Variants in LDB2 observed in about 807,000 individuals in gnomAD.
LDB2 encodes LIM domain binding 2.
Under a neutral mutation model 44.3 loss-of-function variants are expected in LDB2, and 12 were observed. The ratio of observed to expected loss-of-function variants is 0.27; its 90% CI spans 0.17 to 0.44. The LOEUF (loss-of-function observed/expected upper bound fraction) is 0.44. Among genes scored for constraint, LDB2 ranks in the 20% least tolerant of loss-of-function variants. The pLI, the probability that LDB2 is intolerant of heterozygous loss-of-function variation, is 1.00. For missense variants in LDB2, 344 were observed against 473.5 expected, an observed-to-expected ratio of 0.73 and a Z score of 2.54; for synonymous variants, 164 against 174.8, an observed-to-expected ratio of 0.94 and a Z score of 0.49.
chr4:16,784,876 G>C (rs1159077998), intron 1 of LDB2, among the ~76,000 whole-genome samples: 1 of 152,014 alleles, frequency 6.6e-6, no homozygotes, highest in Non-Finnish European at 1.5e-5. Context: ...TCGTTTCCTA[G>C]CTCACTGGTG....
chr4:16,779,180 G>T (rs1483287976), intron 1 of LDB2, among the ~76,000 whole-genome samples: 2 of 151,918 alleles, frequency 1.3e-5, no homozygotes, highest in African/African-American at 4.9e-5. Flanking sequence ...CCTGGGATTT[G>T]AACTTGTGCC....
chr4:16,885,081 G>T (rs1721243901), intron 1 of LDB2, among the ~76,000 whole-genome samples: 1 of 148,162 alleles, frequency 6.7e-6, no homozygotes, highest in Non-Finnish European at 1.5e-5. Flanking sequence ...TAAAAACAGT[G>T]ATCTGAGGCG....
intron 2 of LDB2, among the ~76,000 whole-genome samples, chr4:16,746,701 C>G (rs886884947): frequency 6.6e-6 from 1 of 152,178 alleles, no homozygotes; most frequent in Non-Finnish European, 1.5e-5. Context: ...GCAGGAGAAT[C>G]ACTTGAACCC....
intron 2 of LDB2, among the ~76,000 whole-genome samples, chr4:16,757,541 C>G (rs1003371548): frequency 6.6e-6 from 1 of 152,048 alleles, no homozygotes; most frequent in African/African-American, 2.4e-5. Context: ...AATTCTAGTT[C>G]CCTGAGCAGT....
chr4:16,896,628 A>C (rs1325785545), intron 1 of LDB2, among the ~76,000 whole-genome samples: 1 of 152,162 alleles, frequency 6.6e-6, no homozygotes, highest in Non-Finnish European at 1.5e-5. Flanking sequence ...TTGCTGTTCA[A>C]GAATTGAGCC....
intron 4 of LDB2, among the ~76,000 whole-genome samples, chr4:16,587,972 C>A (rs1331810169): frequency 6.6e-6 from 1 of 152,026 alleles, no homozygotes; most frequent in Non-Finnish European, 1.5e-5. Flanking sequence ...TGTTCAGGGT[C>A]TTTAAAATTA....
intron 2 of LDB2, among the ~76,000 whole-genome samples, chr4:16,673,120 G>C (rs1366143967): frequency 6.6e-6 from 1 of 152,082 alleles, no homozygotes; most frequent in Non-Finnish European, 1.5e-5. Context: ...AATTCTGAAA[G>C]AGAGTAGTAA....
intron 1 of LDB2, among the ~76,000 whole-genome samples, chr4:16,807,403 A>G (rs1295393720): frequency 6.6e-6 from 1 of 152,224 alleles, no homozygotes; most frequent in African/African-American, 2.4e-5. Flanking sequence ...CAAGGATGGA[A>G]TACAATGAAA....
chr4:16,568,403 G>A (rs2152394072), intron 5 of LDB2, among the ~76,000 whole-genome samples: 1 of 152,328 alleles, frequency 6.6e-6, no homozygotes, highest in Admixed American at 6.5e-5. Flanking sequence ...GAAAGAGAAT[G>A]GACATTGAGG....
chr4:16,624,021 G>C (rs1339098583), intron 2 of LDB2, among the ~76,000 whole-genome samples: 1 of 152,076 alleles, frequency 6.6e-6, no homozygotes, highest in East Asian at 1.9e-4. Context: ...ACTCTTTTTT[G>C]CCAGTTCTAG....
At chr4:16,569,227 G>A (rs187600414) in intron 5 of LDB2, among the ~76,000 whole-genome samples, 5 of 152,222 alleles carry the variant, frequency 3.3e-5, no homozygotes, top group South Asian at 2.1e-4. Context: ...AAATACTTTC[G>A]AAAAATAAAA....
chr4:16,541,568 A>C (rs1214725103), intron 5 of LDB2, among the ~76,000 whole-genome samples: 1 of 152,200 alleles, frequency 6.6e-6, no homozygotes, highest in Non-Finnish European at 1.5e-5. Flanking sequence ...TGTGGATGAC[A>C]GTCAAGTCTG....
intron 1 of LDB2, among the ~76,000 whole-genome samples, chr4:16,801,503 G>A (rs1349232999): frequency 6.6e-6 from 1 of 152,162 alleles, no homozygotes; most frequent in African/African-American, 2.4e-5. Flanking sequence ...AAGAGGGCAA[G>A]CAGACTCATA....
At chr4:16,623,521 C>T (rs752052469) in intron 2 of LDB2, among the ~76,000 whole-genome samples, 6 of 151,984 alleles carry the variant, frequency 3.9e-5, no homozygotes, top group South Asian at 2.1e-4. Flanking sequence ...TGCTTGAGCC[C>T]GGGAGGCGGA....
intron 1 of LDB2, among the ~76,000 whole-genome samples, chr4:16,839,772 T>C (rs1355266944): frequency 6.6e-6 from 1 of 152,204 alleles, no homozygotes; most frequent in African/African-American, 2.4e-5. Context: ...TGTCAGGCAC[T>C]GTGCCATGAG....
intron 1 of LDB2, among the ~76,000 whole-genome samples, chr4:16,851,288 G>A (rs1017803819): frequency 4.6e-5 from 7 of 152,022 alleles, no homozygotes; most frequent in Non-Finnish European, 1.0e-4. Context: ...GCAGGAAGGA[G>A]AGAATGCAAA....
chr4:16,544,800 A>C (rs141577818), intron 5 of LDB2, among the ~76,000 whole-genome samples: 1 of 152,176 alleles, frequency 6.6e-6, no homozygotes, highest in Non-Finnish European at 1.5e-5. Context: ...TTGAAGAGGC[A>C]GTTGGTTGTA....
intron 3 of LDB2, among the ~76,000 whole-genome samples, chr4:16,589,379 A>G (rs1232006260): frequency 1.3e-5 from 2 of 152,210 alleles, no homozygotes; most frequent in Non-Finnish European, 1.5e-5. Flanking sequence ...TGTAGAAAAT[A>G]GAAGCATGGT....
At chr4:16,740,664 A>G (rs1048343417) in intron 2 of LDB2, among the ~76,000 whole-genome samples, 1 of 152,220 alleles carries the variant, frequency 6.6e-6, no homozygotes, top group African/African-American at 2.4e-5. Flanking sequence ...CTTCCATTGG[A>G]GAACTGTGTT....
Sources: allele counts gnomAD v4.1 joint callset (sites outside exome capture counted in the v4.1 genomes callset), GRCh38; gene constraint gnomAD v4.1.1; transcripts MANE v1.5; gene names NCBI Gene and HGNC (gene_info 2026-07-23, HGNC 2026-07-21).